ASTN2: variants seen among roughly 807,000 people sequenced by gnomAD.
ASTN2 encodes the protein astrotactin-2.
A neutral mutation model predicts 139.8 loss-of-function variants in ASTN2; 54 were observed. The ratio of observed to expected loss-of-function variants is 0.39; its 90% CI spans 0.31 to 0.48. The LOEUF (loss-of-function observed/expected upper bound fraction) is 0.48, where lower values mean the gene tolerates loss of function less well. ASTN2 is among the 20% of genes least tolerant of loss of function. ASTN2 has a pLI of 0.95. For synonymous variants in ASTN2, 756 were observed against 719.5 expected (o/e 1.05, Z -0.81); for missense variants, 1,565 against 1,725.1 (o/e 0.91, Z 1.64).
intron 1 of ASTN2, among the ~76,000 whole-genome samples, chr9:117,306,498 G>A (rs920431110): frequency 8.5e-5 from 13 of 152,106 alleles, no homozygotes; most frequent in East Asian, 1.9e-4. Flanking sequence ...CCCGGGGAAC[G>A]CACTTCCCTT....
chr9:117,219,904 G>T (rs1832458307), intron 2 of ASTN2, among the ~76,000 whole-genome samples: 1 of 152,142 alleles, frequency 6.6e-6, no homozygotes, highest in African/African-American at 2.4e-5. Context: ...GTGCTCTGAT[G>T]GGGAAACCAG....
intron 1 of ASTN2, among the ~76,000 whole-genome samples, chr9:117,401,098 T>A (rs1830816236): frequency 6.6e-6 from 1 of 152,150 alleles, no homozygotes; most frequent in Admixed American, 6.6e-5. Context: ...CTTTATAAAC[T>A]TTAGCTCCTG....
chr9:117,392,497 T>C (rs887886446), intron 1 of ASTN2, among the ~76,000 whole-genome samples: 3 of 152,210 alleles, frequency 2.0e-5, no homozygotes, highest in Admixed American at 6.5e-5. Flanking sequence ...GTTTTGTTTT[T>C]GAAGTAAGAG....
intron 2 of ASTN2, among the ~76,000 whole-genome samples, chr9:117,282,651 TCTG>T (rs1834353474): frequency 6.7e-6 from 1 of 149,604 alleles, no homozygotes; most frequent in African/African-American, 2.6e-5. Flanking sequence ...AGAACCCACA[TCTG>T]AGCATCAGTT....
chr9:116,949,520 A>T lies in ASTN2; in HGVS notation c.1889+25688T>A, dbSNP rs532217977. ...CTGAGACTGTATCAGAACTAGTGTA[A>T]GTGGAAGAGACTGGGTGAAGTTGAT... is the stretch of plus-strand genomic sequence containing the variant. On this transcript the variant is annotated intron_variant, in intron 10 of 22. Transcript: ENST00000313400. Among the ~76,000 whole-genome samples, 3 of 152,268 alleles carry T rather than the reference A, an allele frequency of 2.0e-5. No homozygotes were observed. The South Asian group carries it at 6.2e-4, about 32-fold the overall frequency.
intron 1 of ASTN2, among the ~76,000 whole-genome samples, chr9:117,408,945 TAGA>T (rs1463920945): frequency 6.6e-6 from 1 of 151,330 alleles, no homozygotes; most frequent in African/African-American, 2.4e-5. Flanking sequence ...TGGAAAAGAG[TAGA>T]AGAATTAGAT....
intron 10 of ASTN2, among the ~76,000 whole-genome samples, chr9:116,868,448 G>C (rs1034068444): frequency 6.6e-6 from 1 of 152,116 alleles, no homozygotes; most frequent in Non-Finnish European, 1.5e-5. Flanking sequence ...AGTAAGGCCC[G>C]TAAGAATGTG....
intron 10 of ASTN2, among the ~76,000 whole-genome samples, chr9:116,937,352 G>T (rs544115500): frequency 6.6e-6 from 1 of 152,084 alleles, no homozygotes; most frequent in African/African-American, 2.4e-5. Context: ...AGGGCAATCT[G>T]CCTGCTCCTG....
chr9:117,191,218 A>G (rs1158937154), intron 3 of ASTN2, among the ~76,000 whole-genome samples: 1 of 149,612 alleles, frequency 6.7e-6, no homozygotes, highest in Non-Finnish European at 1.5e-5. Context: ...GATGTTGAAT[A>G]CAAAATAGCA....
At chr9:117,193,261 C>T (rs575297180) in intron 3 of ASTN2, among the ~76,000 whole-genome samples, 1 of 152,208 alleles carries the variant, frequency 6.6e-6, no homozygotes, top group South Asian at 2.1e-4. Flanking sequence ...ATTCAAACAT[C>T]ACTGGGAATA....
intron 1 of ASTN2, among the ~76,000 whole-genome samples, chr9:117,344,164 C>T (rs1829144868): frequency 6.7e-6 from 1 of 150,216 alleles, no homozygotes; most frequent in Non-Finnish European, 1.5e-5. Flanking sequence ...AACTACACAG[C>T]CTTCCACAAA....
chr9:117,205,187 C>A (rs1831875559), intron 3 of ASTN2, among the ~76,000 whole-genome samples: 1 of 152,176 alleles, frequency 6.6e-6, no homozygotes. Context: ...GGGGAATATT[C>A]AAAGCATTCC....
At chr9:116,559,596 A>G (rs1852807203) in intron 19 of ASTN2, among the ~76,000 whole-genome samples, 1 of 152,176 alleles carries the variant, frequency 6.6e-6, no homozygotes, top group Admixed American at 6.5e-5. Flanking sequence ...TACAAAATAT[A>G]TGGTGTATGC....
intron 3 of ASTN2, among the ~76,000 whole-genome samples, chr9:117,161,969 C>T (rs1403248937): frequency 6.6e-6 from 1 of 151,800 alleles, no homozygotes; most frequent in South Asian, 2.1e-4. Context: ...TATATCACCA[C>T]TTTATAGATA....
At chr9:116,882,011 C>T (rs1370372883) in intron 10 of ASTN2, among the ~76,000 whole-genome samples, 1 of 152,128 alleles carries the variant, frequency 6.6e-6, no homozygotes, top group African/African-American at 2.4e-5. Flanking sequence ...CACTCAGTGC[C>T]TCAAGTGATG....
intron 2 of ASTN2, among the ~76,000 whole-genome samples, chr9:117,275,442 C>A (rs1834162588): frequency 6.6e-6 from 1 of 152,118 alleles, no homozygotes; most frequent in Admixed American, 6.5e-5. Flanking sequence ...ATCGAGGCAC[C>A]AGCAGGATTG....
intron 10 of ASTN2, among the ~76,000 whole-genome samples, chr9:116,966,118 A>G (rs1836004481): frequency 3.9e-5 from 6 of 152,184 alleles, no homozygotes; most frequent in Admixed American, 3.9e-4. Context: ...TCATCTAAAG[A>G]TCTGTAGACG....
chr9:116,815,634 T>A (rs1831293201), intron 12 of ASTN2, among the ~76,000 whole-genome samples: 1 of 149,626 alleles, frequency 6.7e-6, no homozygotes, highest in African/African-American at 2.5e-5. Context: ...TGAAACCCCA[T>A]CTCTACTAAA....
chr9:116,441,070 T>C (rs1260453945), intron 21 of ASTN2, among the ~76,000 whole-genome samples: 2 of 152,206 alleles, frequency 1.3e-5, no homozygotes, highest in African/African-American at 4.8e-5. Flanking sequence ...ACAAAGTTAG[T>C]GCTCATAATT....
Sources: gnomAD v4.1 joint callset for allele counts (sites outside exome capture counted in the v4.1 genomes callset) on GRCh38, gnomAD v4.1.1 for gene constraint, MANE v1.5 for transcripts, NCBI Gene and HGNC (gene_info 2026-07-23, HGNC 2026-07-21) for gene names.